Variants in CNTNAP2 observed in about 807,000 individuals in gnomAD.
The protein encoded by CNTNAP2 is contactin associated protein 2.
In CNTNAP2, 98 loss-of-function variants were observed where a neutral mutation model predicts 155.2. The ratio of observed to expected loss-of-function variants is 0.63; its 90% CI spans 0.54 to 0.75. The LOEUF (loss-of-function observed/expected upper bound fraction) is 0.75. Ranked by LOEUF, CNTNAP2 falls within the 30% of genes least tolerant of loss-of-function variation. The pLI is 0.00. For synonymous variants in CNTNAP2, 651 were observed against 631.2 expected (o/e 1.03, Z -0.47); for missense variants, 1,727 against 1,688.1 (o/e 1.02, Z -0.40).
chr7:147,205,261 T>A (rs1405740121), intron 8 of CNTNAP2, among the ~76,000 whole-genome samples: 1 of 152,082 alleles, frequency 6.6e-6, no homozygotes, highest in Non-Finnish European at 1.5e-5. Flanking sequence ...CTTCTAAGTC[T>A]CCAGTGTGCA....
intron 1 of CNTNAP2, among the ~76,000 whole-genome samples, chr7:146,750,109 C>T (rs1294659389): frequency 1.3e-5 from 2 of 152,146 alleles, no homozygotes; most frequent in African/African-American, 4.8e-5. Context: ...AAGGATTGCT[C>T]TGCCAACATC....
At chr7:146,641,367 G>A (rs960744009) in intron 1 of CNTNAP2, among the ~76,000 whole-genome samples, 12 of 151,950 alleles carry the variant, frequency 7.9e-5, no homozygotes, top group Non-Finnish European at 1.3e-4. Flanking sequence ...AAAAAGAGAC[G>A]AACTTCTTCC....
chr7:147,079,950 A>G (rs1204735191), intron 4 of CNTNAP2, among the ~76,000 whole-genome samples: 1 of 151,896 alleles, frequency 6.6e-6, no homozygotes, highest in Admixed American at 6.6e-5. Flanking sequence ...CTTTCTTGTA[A>G]AAGGGCACAA....
Position 146,749,287 on chromosome 7 carries a change from T to G in CNTNAP2, c.98-24984T>G, listed in dbSNP as rs144877269. On this transcript the variant is annotated intron_variant, in intron 1 of 23. Transcript: ENST00000361727. Reference sequence around the variant, plus strand: ...TATCTTTACTAAACCTAACAGCAGTTTTCTAAAGTAAACACTTTTATTACC... The same window carrying G: ...TATCTTTACTAAACCTAACAGCAGTGTTCTAAAGTAAACACTTTTATTACC... Among the ~76,000 whole-genome samples the G allele has an allele frequency of 4.5e-3, 679 of 152,282 alleles. 4 individuals are homozygous for G. The highest frequency in any genetic ancestry group is 0.015 in the African/African-American group (639 of 41,562).
At chr7:146,940,707 A>G (rs550808666) in intron 3 of CNTNAP2, among the ~76,000 whole-genome samples, 1 of 151,726 alleles carries the variant, frequency 6.6e-6, no homozygotes, top group African/African-American at 2.4e-5. Context: ...ACACACACAC[A>G]CACACACACA....
At chr7:147,033,301 C>T (rs973286059) in intron 3 of CNTNAP2, among the ~76,000 whole-genome samples, 1 of 149,972 alleles carries the variant, frequency 6.7e-6, no homozygotes, top group Non-Finnish European at 1.5e-5. Context: ...AGTGAACAAG[C>T]TAAATTTGAT....
chr7:147,094,672 C>G (rs1243065074), intron 4 of CNTNAP2, among the ~76,000 whole-genome samples: 1 of 151,912 alleles, frequency 6.6e-6, no homozygotes, highest in Non-Finnish European at 1.5e-5. Context: ...TCCGAAAGTG[C>G]TGGGATTATT....
intron 6 of CNTNAP2, among the ~76,000 whole-genome samples, chr7:147,126,111 G>T (rs912775358): frequency 1.3e-5 from 2 of 152,226 alleles, no homozygotes; most frequent in Middle Eastern, 6.8e-3. Context: ...AATATCATGA[G>T]ACCAAAACTG....
At chr7:146,889,453 T>A (rs1023783546) in intron 3 of CNTNAP2, among the ~76,000 whole-genome samples, 3 of 152,126 alleles carry the variant, frequency 2.0e-5, no homozygotes, top group Non-Finnish European at 4.4e-5. Context: ...GTCATTCATC[T>A]GTAAACAGTG....
intron 11 of CNTNAP2, among the ~76,000 whole-genome samples, chr7:147,528,852 GAAGT>G (rs946172124): frequency 1.3e-5 from 2 of 151,672 alleles, no homozygotes; most frequent in African/African-American, 2.4e-5. Flanking sequence ...AGGTAAGCAG[GAAGT>G]AAGTAATATC....
rs118081216 is a variant in CNTNAP2 at position 147,725,526 on chromosome 7, C to T, written c.2098+86220C>T. ...AATATATCATTATTAGTGGGAAGCT[C>T]GCAAGAAAGATGAGTGTCCCCCACT... is the stretch of plus-strand genomic sequence containing the variant. On this transcript the variant is annotated intron_variant, in intron 13 of 23. Coordinates refer to ENST00000361727, the MANE Select transcript of CNTNAP2 (RefSeq NM_014141.6). Among the ~76,000 whole-genome samples, 28 of 152,110 alleles carry T rather than the reference C, an allele frequency of 1.8e-4. No individual in the cohort carries two copies. In the East Asian group the frequency reaches 4.5e-3, roughly 24 times the overall value.
At chr7:148,122,151 C>T (rs536915372) in intron 16 of CNTNAP2, among the ~76,000 whole-genome samples, 8 of 152,282 alleles carry the variant, frequency 5.3e-5, no homozygotes, top group Admixed American at 2.0e-4. Context: ...ATTTTACAAA[C>T]GAGGAAACTG....
At chr7:148,332,707 G>A (rs1354317663) in intron 21 of CNTNAP2, among the ~76,000 whole-genome samples, 1 of 152,168 alleles carries the variant, frequency 6.6e-6, no homozygotes, top group African/African-American at 2.4e-5. Context: ...GGAAGAGAGA[G>A]AAGCAACATC....
chr7:146,748,143 CTTTTTTTTTTTT>C (rs61495352), intron 1 of CNTNAP2, among the ~76,000 whole-genome samples: 1 of 97,996 alleles, frequency 1.0e-5, no homozygotes, highest in Non-Finnish European at 2.0e-5. Context: ...CTTTTCTTTT[CTTTTTTTTTTTT>C]TTTTTTTTGA....
At chr7:147,123,997 A>C (rs1204149087) in intron 6 of CNTNAP2, among the ~76,000 whole-genome samples, 1 of 152,160 alleles carries the variant, frequency 6.6e-6, no homozygotes, top group Non-Finnish European at 1.5e-5. Context: ...AGCCAAAATC[A>C]TGCCATTGCA....
intron 15 of CNTNAP2, among the ~76,000 whole-genome samples, chr7:148,093,187 TA>T (rs10553315): frequency 0.15 from 21,145 of 145,256 alleles, 3,281 homozygotes; most frequent in African/African-American, 0.4. Context: ...AGAGCTCTGC[TA>T]AAAAAAAAAA....
intron 1 of CNTNAP2, among the ~76,000 whole-genome samples, chr7:146,656,080 C>T (rs562062822): frequency 9.8e-5 from 15 of 152,336 alleles, no homozygotes; most frequent in East Asian, 1.9e-4. Flanking sequence ...TTTACTATCC[C>T]GTGCTAAAGA....
rs888045816 is a variant in CNTNAP2, at chr7:146,170,736, G to T, written c.97+53763G>T. 3.9e-5 allele frequency among the ~76,000 whole-genome samples: 6 copies of T among 152,176 alleles called. No individual in the cohort carries two copies. In the East Asian group the frequency reaches 1.2e-3, roughly 29 times the overall value. ...GAGAATTTGTAAAGAGATTAAGAGT[G>T]ATTCATAAGTGCTGGGTATGGTGGC... On this transcript the variant is annotated intron_variant, in intron 1 of 23. Transcript: ENST00000361727.
chr7:147,324,248 A>G (rs1274197706), intron 9 of CNTNAP2, among the ~76,000 whole-genome samples: 1 of 152,186 alleles, frequency 6.6e-6, no homozygotes, highest in Non-Finnish European at 1.5e-5. Flanking sequence ...AAAATATAAC[A>G]CAGTGTCTGA....
Sources: allele counts gnomAD v4.1 joint callset (sites outside exome capture counted in the v4.1 genomes callset), GRCh38; gene constraint gnomAD v4.1.1; transcripts MANE v1.5; gene names NCBI Gene and HGNC (gene_info 2026-07-23, HGNC 2026-07-21).